Variants in MDGA2 observed in about 807,000 individuals in gnomAD.
MDGA2 encodes MAM domain containing glycosylphosphatidylinositol anchor 2.
Under a neutral mutation model 117.8 loss-of-function variants are expected in MDGA2, and 40 were observed. The observed-to-expected ratio is 0.34, with a 90% CI of 0.26 to 0.44. MDGA2 has a LOEUF of 0.44. Ranked by LOEUF, MDGA2 falls within the 20% of genes least tolerant of loss-of-function variation. The probability of loss-of-function intolerance (pLI) is 1.00; values close to 1 mark genes in which losing one functional copy is unlikely to be tolerated. For synonymous variants in MDGA2, 452 were observed against 439.0 expected (o/e 1.03, Z -0.37); for missense variants, 1,123 against 1,250.6 (o/e 0.90, Z 1.54).
At chr14:47,372,344 T>C (rs1891380090) in intron 1 of MDGA2, among the ~76,000 whole-genome samples, 1 of 151,836 alleles carries the variant, frequency 6.6e-6, no homozygotes, top group African/African-American at 2.4e-5. Flanking sequence ...AATGTTAATA[T>C]TCCTAATATG....
chr14:47,595,457 C>T (rs1275334066), intron 1 of MDGA2, among the ~76,000 whole-genome samples: 1 of 150,236 alleles, frequency 6.7e-6, no homozygotes, highest in Non-Finnish European at 1.5e-5. Flanking sequence ...TCGCTTGAAC[C>T]TGGGAGGTGG....
At chr14:47,179,535 G>T (rs1884614583) in intron 3 of MDGA2, among the ~76,000 whole-genome samples, 1 of 151,616 alleles carries the variant, frequency 6.6e-6, no homozygotes, top group Non-Finnish European at 1.5e-5. Flanking sequence ...GTATTAATTC[G>T]AGTCTCATTT....
chr14:47,432,492 C>A (rs1892818988), intron 1 of MDGA2, among the ~76,000 whole-genome samples: 1 of 151,954 alleles, frequency 6.6e-6, no homozygotes, highest in African/African-American at 2.4e-5. Context: ...GAAGAAATTT[C>A]TCCATGGAAT....
chr14:47,448,197 C>T (rs1893166533), intron 1 of MDGA2, among the ~76,000 whole-genome samples: 1 of 151,814 alleles, frequency 6.6e-6, no homozygotes, highest in East Asian at 1.9e-4. Context: ...GTCACCCAGG[C>T]TGGAGGGTAG....
At chr14:47,156,355 A>G (rs17118116) in intron 3 of MDGA2, among the ~76,000 whole-genome samples, 28,070 of 152,102 alleles carry the variant, frequency 0.18, 2,806 homozygotes, top group East Asian at 0.33. Flanking sequence ...CAAAAACTCC[A>G]AAGTTAGTTA....
At chr14:47,042,344 T>C (rs1328237136) in intron 7 of MDGA2, among the ~76,000 whole-genome samples, 2 of 149,774 alleles carry the variant, frequency 1.3e-5, no homozygotes, top group African/African-American at 4.9e-5. Context: ...TGTGTGTGTG[T>C]GTATGCACAC....
Position 47,540,563 on chromosome 14 carries a change from T to TATATATATATATACAC in MDGA2, c.280+133953_280+133954insGTGTATATATATATAT, listed in dbSNP as rs370481455. Among the ~76,000 whole-genome samples the TATATATATATATACAC allele has an allele frequency of 7.4e-3, 832 of 112,164 alleles. 59 individuals carry two copies. The highest frequency in any genetic ancestry group is 0.037 in the South Asian group (78 of 2,114). 73.6% of individuals were successfully genotyped at this position (112,164 alleles called of 152,430 possible). A position where few individuals can be genotyped will look rare whatever the true frequency, so the allele number is the denominator to read the frequency against. Reference sequence around the variant, plus strand: ...GTGTATATATATATATGTATATATATACACACACACATAGAGAGAGAGACA... The same window carrying TATATATATATATACAC: ...GTGTATATATATATATGTATATATATATATATATATATACACACACACACACATAGAGAGAGAGACA... On this transcript the variant is annotated intron_variant, in intron 1 of 16. Coordinates refer to ENST00000399232, the MANE Select transcript of MDGA2 (RefSeq NM_001113498.3).
chr14:46,970,433 A>G (rs761917093), intron 8 of MDGA2, among the ~76,000 whole-genome samples: 1 of 152,180 alleles, frequency 6.6e-6, no homozygotes, highest in Non-Finnish European at 1.5e-5. Context: ...TATAGTGCCA[A>G]GAACATACAA....
rs2138503725 is a variant in MDGA2, at chr14:47,004,294, A to G, written c.1819+30717T>C. ...TGGACCAAAGTTCACTTTTTGGTGT[A>G]TGGAAATCCAACTGTTATTGTATAA... On this transcript the variant is annotated intron_variant, in intron 8 of 16. Coordinates refer to ENST00000399232, the MANE Select transcript of MDGA2 (RefSeq NM_001113498.3). Among the ~76,000 whole-genome samples, 5 of 151,978 alleles carry G rather than the reference A, an allele frequency of 3.3e-5. No individual in the cohort carries two copies. In the Middle Eastern group the frequency reaches 0.014, roughly 414 times the overall value.
At chr14:47,349,317 G>C (rs36045809) in intron 1 of MDGA2, among the ~76,000 whole-genome samples, 13,909 of 152,220 alleles carry the variant, frequency 0.091, 717 homozygotes, top group Middle Eastern at 0.13. Flanking sequence ...CATTCAAAGA[G>C]ATCAAATGGG....
At chr14:47,355,997 A>T (rs1233697556) in intron 1 of MDGA2, among the ~76,000 whole-genome samples, 1 of 152,070 alleles carries the variant, frequency 6.6e-6, no homozygotes, top group Admixed American at 6.5e-5. Context: ...AAGCCAAGAG[A>T]CTGGGTATAC....
chr14:47,277,992 G>A (rs1413408901), intron 2 of MDGA2, among the ~76,000 whole-genome samples: 3 of 152,054 alleles, frequency 2.0e-5, no homozygotes, highest in Admixed American at 1.3e-4. Flanking sequence ...AGCCAGCAGA[G>A]GGGAAAAAGA....
intron 1 of MDGA2, among the ~76,000 whole-genome samples, chr14:47,471,896 T>C (rs1248300688): frequency 1.3e-5 from 2 of 152,176 alleles, no homozygotes; most frequent in Non-Finnish European, 2.9e-5. Flanking sequence ...TTAAGCTTGT[T>C]ACAAGACCAG....
intron 5 of MDGA2, among the ~76,000 whole-genome samples, chr14:47,116,920 A>C (rs1195231479): frequency 7.0e-6 from 1 of 143,064 alleles, no homozygotes; most frequent in African/African-American, 2.8e-5. Context: ...GGACCACATC[A>C]AAATAAAAAA....
chr14:46,871,960 C>A, intron 14 of MDGA2: 4 of 280,694 alleles, frequency 1.4e-5, no homozygotes, highest in Non-Finnish European at 2.2e-5. Flanking sequence ...ATAGCAAGAG[C>A]CTGTCTCATA....
At chr14:46,922,472 T>C (rs946954880) in intron 9 of MDGA2, among the ~76,000 whole-genome samples, 2 of 152,182 alleles carry the variant, frequency 1.3e-5, no homozygotes, top group African/African-American at 2.4e-5. Context: ...AGATTAAATA[T>C]GGTTTAAATA....
chr14:47,158,363 G>GGTGTGTGTGTGTGTGT (rs34198544), intron 3 of MDGA2, among the ~76,000 whole-genome samples: 1 of 146,682 alleles, frequency 6.8e-6, no homozygotes, highest in Non-Finnish European at 1.5e-5. Context: ...CCCTGGGGTG[G>GGTGTGTGTGTGTGTGT]GTGTGTGTGT....
At chr14:46,974,730 G>C (rs973074599) in intron 8 of MDGA2, among the ~76,000 whole-genome samples, 1 of 152,012 alleles carries the variant, frequency 6.6e-6, no homozygotes, top group Non-Finnish European at 1.5e-5. Context: ...ATGGGTCAAA[G>C]GCCTAAATGT....
chr14:47,039,519 C>T (rs1165402826), intron 7 of MDGA2, among the ~76,000 whole-genome samples: 5 of 152,148 alleles, frequency 3.3e-5, no homozygotes, highest in Non-Finnish European at 7.3e-5. Context: ...TGTCACTAGC[C>T]TCATTCTTCC....
Sources: allele counts gnomAD v4.1 joint callset (sites outside exome capture counted in the v4.1 genomes callset), GRCh38; gene constraint gnomAD v4.1.1; transcripts MANE v1.5; gene names NCBI Gene and HGNC (gene_info 2026-07-23, HGNC 2026-07-21).